The following TBC1D5 variants were observed in gnomAD, a reference collection of about 807,000 sequenced individuals.
TBC1D5 encodes TBC1 domain family member 5, also known as TBC1 domain family, member 5.
TBC1D5 carries 75 observed loss-of-function variants against 100.3 expected under a neutral mutation model. The observed-to-expected ratio is 0.75, with a 90% CI of 0.62 to 0.91. The LOEUF is 0.91. Ranked by LOEUF, TBC1D5 falls within the 40% of genes least tolerant of loss-of-function variation. The pLI is 0.00. For missense variants in TBC1D5, 910 were observed against 942.4 expected, an observed-to-expected ratio of 0.97 and a Z score of 0.45; for synonymous variants, 323 against 325.6, an observed-to-expected ratio of 0.99 and a Z score of 0.09.
intron 2 of TBC1D5, among the ~76,000 whole-genome samples, chr3:17,592,881 A>G (rs2060321015): frequency 6.6e-6 from 1 of 152,170 alleles, no homozygotes. Context: ...GCCTGTTACT[A>G]GGCTTTTGTG....
chr3:17,683,649 C>T (rs2069819257), intron 1 of TBC1D5, among the ~76,000 whole-genome samples: 1 of 152,140 alleles, frequency 6.6e-6, no homozygotes, highest in Non-Finnish European at 1.5e-5. Context: ...TAATGGGCTA[C>T]ACAGAAAGGC....
At chr3:17,601,251 C>T (rs2060916863) in intron 2 of TBC1D5, among the ~76,000 whole-genome samples, 1 of 152,242 alleles carries the variant, frequency 6.6e-6, no homozygotes, top group Admixed American at 6.5e-5. Context: ...TGGCTCATGC[C>T]TGTAATCCCA....
intron 4 of TBC1D5, among the ~76,000 whole-genome samples, chr3:17,414,225 G>A (rs2094007454): frequency 6.6e-6 from 1 of 152,154 alleles, no homozygotes; most frequent in Non-Finnish European, 1.5e-5. Flanking sequence ...AGGGTTAGAT[G>A]GGTAGAATAT....
intron 15 of TBC1D5, among the ~76,000 whole-genome samples, chr3:17,273,931 T>C (rs1050719782): frequency 1.3e-5 from 2 of 151,870 alleles, no homozygotes; most frequent in African/African-American, 2.4e-5. Flanking sequence ...CCAAGCCTTG[T>C]TGATACTCTT....
intron 1 of TBC1D5, among the ~76,000 whole-genome samples, chr3:17,726,882 A>T (rs1349541079): frequency 6.6e-6 from 1 of 152,238 alleles, no homozygotes; most frequent in Non-Finnish European, 1.5e-5. Context: ...ACTACGTAAC[A>T]CTGACAGCAA....
intron 1 of TBC1D5, chr3:17,706,307 TTC>T (rs2074156541): frequency 6.6e-7 from 1 of 1,513,582 alleles, no homozygotes; most frequent in East Asian, 2.5e-5. Flanking sequence ...ACCTTTTCTG[TTC>T]AAACCAGAAC....
intron 13 of TBC1D5, among the ~76,000 whole-genome samples, chr3:17,351,467 A>G (rs2151676146): frequency 6.6e-6 from 1 of 152,332 alleles, no homozygotes; most frequent in South Asian, 2.1e-4. Context: ...TTCTCAGCAA[A>G]CTAACACAGG....
chr3:17,725,312 C>A (rs2076030687), intron 1 of TBC1D5, among the ~76,000 whole-genome samples: 1 of 151,766 alleles, frequency 6.6e-6, no homozygotes, highest in African/African-American at 2.4e-5. Context: ...TTTTTTGGTA[C>A]CAGGCAAAGT....
Position 17,291,882 on chromosome 3 carries a change from T to G in TBC1D5, c.1245+13A>C. 6.2e-7 allele frequency: 1 copy of G among 1,609,102 alleles called. No individual in the cohort carries two copies. The highest frequency in any genetic ancestry group is 1.1e-5 in the South Asian group (1 of 90,450). On this transcript the variant is annotated intron_variant, in intron 15 of 21. Transcript: ENST00000253692. ...CAACTTAAAATTATGCATACCCTAC[T>G]GGGGAAGCTTACCTTTGGATCTCTA... is the stretch of plus-strand genomic sequence containing the variant.
In TBC1D5 at chr3:17,565,710, G is replaced by A. The variant is rs529005805; in HGVS notation, c.-35-57105C>T. 2.0e-5 allele frequency among the ~76,000 whole-genome samples: 3 copies of A among 152,036 alleles called. No homozygotes were observed. The East Asian group carries it at 5.8e-4, about 29-fold the overall frequency. On this transcript the variant is annotated intron_variant, in intron 2 of 21. Transcript: ENST00000253692. ...ATTCCTTTATAAAGGATAACTTTTCGAATTAGAGTAATTTACATGCTTTTA... is the reference window on the plus strand; with the variant it reads ...ATTCCTTTATAAAGGATAACTTTTCAAATTAGAGTAATTTACATGCTTTTA...
In TBC1D5 at chr3:17,441,721, T is replaced by C. The variant is rs535332356; in HGVS notation, c.98-13202A>G. ...CTTTCTAAGATATTCTAAACAGGTATGCTTTGAAATCATTTCAATGGTGGT... is the reference window on the plus strand; with the variant it reads ...CTTTCTAAGATATTCTAAACAGGTACGCTTTGAAATCATTTCAATGGTGGT... On this transcript the variant is annotated intron_variant, in intron 3 of 21. Coordinates refer to ENST00000253692, the Ensembl canonical transcript of TBC1D5. Among the ~76,000 whole-genome samples, 3 of 152,392 alleles carry C rather than the reference T, an allele frequency of 2.0e-5. No homozygotes were observed. In the East Asian group the frequency reaches 5.8e-4, roughly 29 times the overall value.
intron 2 of TBC1D5, chr3:17,524,452 C>CAGAA (rs1167700344): frequency 6.6e-6 from 1 of 152,144 alleles, no homozygotes; most frequent in African/African-American, 2.4e-5. Context: ...CAAATCTATG[C>CAGAA]AGAAAGAAGT....
chr3:17,182,618 A>C (rs2068574675), intron 19 of TBC1D5, among the ~76,000 whole-genome samples: 1 of 152,238 alleles, frequency 6.6e-6, no homozygotes, highest in Non-Finnish European at 1.5e-5. Context: ...TACTTTGGTG[A>C]AAACTAAAGT....
At chr3:17,285,306 G>T (rs2081063739) in intron 15 of TBC1D5, among the ~76,000 whole-genome samples, 1 of 134,912 alleles carries the variant, frequency 7.4e-6, no homozygotes, top group African/African-American at 2.7e-5. Context: ...TGTCGCCCAG[G>T]CTGGAGTGCA....
intron 2 of TBC1D5, among the ~76,000 whole-genome samples, chr3:17,520,318 G>C (rs1466080054): frequency 6.6e-6 from 1 of 152,168 alleles, no homozygotes. Flanking sequence ...TGCTGTTAAT[G>C]CTAGCTAATT....
chr3:17,166,914 T>A (rs1342160147), exon 21 of TBC1D5: 1 of 1,605,220 alleles, frequency 6.2e-7, no homozygotes, highest in Non-Finnish European at 8.5e-7. Context: ...GGGAACCTTT[T>A]AGAATGTCTT....
chr3:17,376,474 T>C, intron 10 of TBC1D5, 51 bp downstream of exon 10: 2 of 1,510,668 alleles, frequency 1.3e-6, no homozygotes, highest in Non-Finnish European at 1.8e-6. Context: ...AAACAAAGGT[T>C]ACCGTGGGGG....
chr3:17,533,084 C>G (rs915843758), intron 2 of TBC1D5, among the ~76,000 whole-genome samples: 1 of 151,052 alleles, frequency 6.6e-6, no homozygotes, highest in Non-Finnish European at 1.5e-5. Context: ...GACACACACA[C>G]ACACACACAC....
intron 3 of TBC1D5, among the ~76,000 whole-genome samples, chr3:17,453,079 T>TAAAAAAA (rs570210975): frequency 1.3e-3 from 103 of 81,524 alleles, no homozygotes; most frequent in Middle Eastern, 8.2e-3. Context: ...AATGAAGAAA[T>TAAAAAAA]AAAAAAAAAA....
Sources: gnomAD v4.1 joint callset for allele counts (sites outside exome capture counted in the v4.1 genomes callset) on GRCh38, gnomAD v4.1.1 for gene constraint, MANE v1.5 for transcripts, NCBI Gene and HGNC (gene_info 2026-07-23, HGNC 2026-07-21) for gene names.